Variants in AVL9 observed in about 807,000 individuals in gnomAD.
The protein encoded by AVL9 is AVL9 cell migration associated.
A neutral mutation model predicts 79.2 loss-of-function variants in AVL9; 49 were observed. That is an observed-to-expected ratio of 0.62 (90% CI 0.49 to 0.79). AVL9 has a LOEUF of 0.79. Among genes scored for constraint, AVL9 ranks in the 30% least tolerant of loss-of-function variants. The pLI is 0.00. For missense variants in AVL9, 682 were observed against 776.8 expected, an observed-to-expected ratio of 0.88 and a Z score of 1.45; for synonymous variants, 299 against 280.6, an observed-to-expected ratio of 1.07 and a Z score of -0.65.
At chr7:32,527,534 G>C (rs1788457579) in intron 1 of AVL9, among the ~76,000 whole-genome samples, 1 of 138,110 alleles carries the variant, frequency 7.2e-6, no homozygotes, top group African/African-American at 2.5e-5. Context: ...TTGATTGTTG[G>C]CTTTCTACTT....
At chr7:32,566,630 A>G (rs900715898) in intron 10 of AVL9, among the ~76,000 whole-genome samples, 4 of 152,076 alleles carry the variant, frequency 2.6e-5, no homozygotes, top group East Asian at 1.9e-4. Context: ...TGTAATCCCA[A>G]CACTTTGGGA....
chr7:32,538,460 T>C (rs964954732), intron 1 of AVL9: 4 of 152,228 alleles, frequency 2.6e-5, no homozygotes, highest in African/African-American at 9.6e-5. Flanking sequence ...CTAGAACAAG[T>C]GTGGCTAAAA....
chr7:32,553,656 G>T, intron 6 of AVL9, 71 bp from the exon 7 acceptor site: 1 of 1,079,270 alleles, frequency 9.3e-7, no homozygotes, highest in South Asian at 1.4e-5. Context: ...TTCTGTTAAG[G>T]GGGAAATAAC....
At chr7:32,530,017 T>C (rs1788578197) in intron 1 of AVL9, among the ~76,000 whole-genome samples, 1 of 152,236 alleles carries the variant, frequency 6.6e-6, no homozygotes, top group Non-Finnish European at 1.5e-5. Flanking sequence ...TTATCCCTTA[T>C]CCTATTAATG....
intron 1 of AVL9, chr7:32,538,750 C>G (rs1789034748): frequency 6.6e-6 from 1 of 152,084 alleles, no homozygotes; most frequent in Non-Finnish European, 1.5e-5. Flanking sequence ...TATACAGAAT[C>G]ATACTACAGT....
chr7:32,536,938 C>G (rs1788938154), intron 1 of AVL9: 1 of 152,196 alleles, frequency 6.6e-6, no homozygotes, highest in African/African-American at 2.4e-5. Flanking sequence ...CTTTAGCATG[C>G]TGCCCTCCCA....
At chr7:32,561,321 A>G (rs1316372730) in intron 10 of AVL9, among the ~76,000 whole-genome samples, 1 of 152,242 alleles carries the variant, frequency 6.6e-6, no homozygotes, top group Non-Finnish European at 1.5e-5. Context: ...ACCTTCATCA[A>G]TGACCTTAGC....
At chr7:32,528,252 ATGTAT>A (rs1214400634) in intron 1 of AVL9, among the ~76,000 whole-genome samples, 2 of 152,096 alleles carry the variant, frequency 1.3e-5, no homozygotes, top group Non-Finnish European at 2.9e-5. Flanking sequence ...AAACCTTAAC[ATGTAT>A]TGATTGATGT....
rs1483920734 is a variant in AVL9 at position 32,587,273 on chromosome 7, T to C, written c.*3366T>C. ...AGTATTTTGAGAGCAGTATTTCATG[T>C]GCTAAGGGTTATAAGAATTCTTTTA... On this transcript the variant is annotated 3_prime_UTR_variant, in exon 16 of 16. Coordinates refer to ENST00000318709, the MANE Select transcript of AVL9 (RefSeq NM_015060.3). 7 of 152,372 alleles carry C rather than the reference T, an allele frequency of 4.6e-5. No homozygotes were observed. Among genetic ancestry groups the C allele is most frequent in the Non-Finnish European group, 1.0e-4 (7 of 68,042 alleles). The allele number at this position is 152,372 out of a possible 1,614,324, so 9.4% of individuals were successfully genotyped here. A position where few individuals can be genotyped will look rare whatever the true frequency, so the allele number is the denominator to read the frequency against.
chr7:32,562,153 T>G (rs2128143355), intron 10 of AVL9, among the ~76,000 whole-genome samples: 1 of 152,306 alleles, frequency 6.6e-6, no homozygotes, highest in South Asian at 2.1e-4. Flanking sequence ...CACAGGCTGT[T>G]GGGAAAATGG....
intron 1 of AVL9, among the ~76,000 whole-genome samples, chr7:32,519,610 T>A (rs115523661): frequency 6.6e-6 from 1 of 151,994 alleles, no homozygotes; most frequent in African/African-American, 2.4e-5. Flanking sequence ...TTTTTTTCAC[T>A]AGGAATTTGG....
chr7:32,540,797 G>T (rs1276786987), intron 1 of AVL9, among the ~76,000 whole-genome samples: 2 of 143,128 alleles, frequency 1.4e-5, no homozygotes, highest in Non-Finnish European at 3.0e-5. Context: ...ATGTTTTTCA[G>T]TAGATGGGTA....
rs148470198 is a variant in AVL9, at chr7:32,558,727, CCTTT to C, written c.679+102_679+105del. 5.1e-3 allele frequency: 5,846 copies of C among 1,144,010 alleles called. 231 individuals are homozygous for C. The African/African-American group carries it at 0.078, about 15-fold the overall frequency. The allele number at this position is 1,144,010 out of a possible 1,614,324, so 70.9% of individuals were successfully genotyped here. On this transcript the variant is annotated intron_variant, in intron 9 of 15. Coordinates refer to ENST00000318709, the MANE Select transcript of AVL9 (RefSeq NM_015060.3). The stretch of plus-strand genomic sequence containing the variant: ...TCAAAGATAAATTCGTTAGGGTTAT[CCTTT>C]CTATTTTAATATGACGTCTTCCTTT...
chr7:32,503,369 T>TACACACACACACACACACACAC (rs1237567459), intron 1 of AVL9, among the ~76,000 whole-genome samples: 6 of 101,308 alleles, frequency 5.9e-5, no homozygotes, highest in Admixed American at 2.5e-4. Context: ...GAGATATATA[T>TACACACACACACACACACACAC]ATATACACAC....
intron 10 of AVL9, chr7:32,559,809 C>T (rs7798182): frequency 0.14 from 24,473 of 173,344 alleles, 2,830 homozygotes; most frequent in African/African-American, 0.34. Flanking sequence ...TACAGGCACA[C>T]CTCAGAGATA....
intron 1 of AVL9, among the ~76,000 whole-genome samples, chr7:32,523,740 T>C (rs1430002546): frequency 6.8e-6 from 1 of 146,172 alleles, no homozygotes; most frequent in Non-Finnish European, 1.5e-5. Flanking sequence ...TCTTTTCTTT[T>C]TTTTTTTTTT....
At chr7:32,530,326 C>T (rs539003511) in intron 1 of AVL9, among the ~76,000 whole-genome samples, 3 of 152,300 alleles carry the variant, frequency 2.0e-5, no homozygotes, top group African/African-American at 7.2e-5. Context: ...TTGATGCTGT[C>T]TAGCTTTACA....
At chr7:32,536,001 GATT>G (rs1181132942) in intron 1 of AVL9, 1 of 152,210 alleles carries the variant, frequency 6.6e-6, no homozygotes, top group Non-Finnish European at 1.5e-5. Context: ...CTTCCGCCAT[GATT>G]ATAAGTTTCC....
At chr7:32,558,784 G>C in intron 9 of AVL9, 145 bp from the exon 10 acceptor site, 1 of 1,014,242 alleles carries the variant, frequency 9.9e-7, no homozygotes, top group Non-Finnish European at 1.4e-6. Context: ...CTTTTGTCTG[G>C]GCTTCTTTCT....
Sources: allele counts gnomAD v4.1 joint callset (sites outside exome capture counted in the v4.1 genomes callset), GRCh38; gene constraint gnomAD v4.1.1; transcripts MANE v1.5; gene names NCBI Gene and HGNC (gene_info 2026-07-23, HGNC 2026-07-21).